TSHZ2: variants seen among roughly 807,000 people sequenced by gnomAD.
TSHZ2 encodes teashirt zinc finger homeobox 2.
In TSHZ2, 21 loss-of-function variants were observed where a neutral mutation model predicts 74.4. The ratio of observed to expected loss-of-function variants is 0.28; its 90% confidence interval spans 0.20 to 0.41. The LOEUF is 0.41. Ranked by LOEUF, TSHZ2 falls within the 10% of genes least tolerant of loss-of-function variation. The pLI, the probability that TSHZ2 is intolerant of heterozygous loss-of-function variation, is 1.00. For synonymous variants in TSHZ2, 540 were observed against 515.3 expected, an observed-to-expected ratio of 1.05 and a Z score of -0.65; for missense variants, 1,244 against 1,293.5, an observed-to-expected ratio of 0.96 and a Z score of 0.59.
intron 1 of TSHZ2, among the ~76,000 whole-genome samples, chr20:53,048,462 G>A (rs1052420113): frequency 3.9e-5 from 6 of 152,192 alleles, no homozygotes; most frequent in South Asian, 2.1e-4. Flanking sequence ...TCTCCCCTTC[G>A]CTTGTCTTTC....
rs992873915 is a variant in TSHZ2 at position 53,213,028 on chromosome 20, C to G, written c.41-40471C>G. On this transcript the variant is annotated intron_variant, in intron 1 of 2. Coordinates refer to ENST00000371497, the MANE Select transcript of TSHZ2 (RefSeq NM_173485.6). The stretch of plus-strand genomic sequence containing the variant: ...CAATTGAAACCAAGGTGTTGTCAAT[C>G]AAGGGAAACAGCAATGGACACAGGG... Among the ~76,000 whole-genome samples the G allele has an allele frequency of 1.1e-4, 17 of 152,202 alleles. 1 individual carries two copies. Among genetic ancestry groups the G allele is most frequent in the Admixed American group, 7.2e-4 (11 of 15,286 alleles).
At position 53,131,819 on chromosome 20, in the gene TSHZ2, ACCCCCCC is replaced by A. The variant is rs34289663; in HGVS notation, c.41-121671_41-121665del. Among the ~76,000 whole-genome samples the A allele has an allele frequency of 5.2e-3, 494 of 95,426 alleles. 19 individuals carry two copies. The highest frequency in any genetic ancestry group is 0.017 in the African/African-American group (456 of 27,186). The allele number at this position is 95,426 out of a possible 152,430, so 62.6% of individuals were successfully genotyped here. A position where few individuals can be genotyped will look rare whatever the true frequency, so the allele number is the denominator to read the frequency against. ...TTCACTCATTTGCACTTGAATGACA[ACCCCCCC>A]CCCCCCCCAAAAAAAAAAAGCCACA... is the stretch of plus-strand genomic sequence containing the variant. On this transcript the variant is annotated intron_variant, in intron 1 of 2. Coordinates refer to ENST00000371497, the MANE Select transcript of TSHZ2 (RefSeq NM_173485.6).
intron 2 of TSHZ2, among the ~76,000 whole-genome samples, chr20:53,320,744 C>G (rs1403838387): frequency 6.6e-6 from 1 of 152,046 alleles, no homozygotes; most frequent in East Asian, 1.9e-4. Context: ...TTGTCCTACT[C>G]AACTACCTGT....
chr20:53,084,666 CTTCT>C (rs1383802146), intron 1 of TSHZ2, among the ~76,000 whole-genome samples: 22 of 95,148 alleles, frequency 2.3e-4, no homozygotes, highest in Non-Finnish European at 3.0e-4. Flanking sequence ...TCCTTCTCTC[CTTCT>C]CTCCCTCCCT....
chr20:53,007,269 G>T (rs6068429), intron 1 of TSHZ2, among the ~76,000 whole-genome samples: 1 of 152,206 alleles, frequency 6.6e-6, no homozygotes, highest in East Asian at 1.9e-4. Flanking sequence ...GGAGACAGCA[G>T]GTGCATGGAC....
At chr20:53,433,948 A>AACCTCC (rs560687205) in intron 2 of TSHZ2, among the ~76,000 whole-genome samples, 22 of 152,294 alleles carry the variant, frequency 1.4e-4, no homozygotes, top group African/African-American at 5.3e-4. Context: ...GGCTCACGGC[A>AACCTCC]ACCTCCACCT....
At chr20:53,482,749 C>CA (rs1006036719) in intron 2 of TSHZ2, among the ~76,000 whole-genome samples, 26 of 151,710 alleles carry the variant, frequency 1.7e-4, no homozygotes, top group Non-Finnish European at 3.2e-4. Context: ...ACAAAAAATA[C>CA]AAAAAAATTA....
intron 1 of TSHZ2, among the ~76,000 whole-genome samples, chr20:53,011,716 A>C (rs1384185505): frequency 6.6e-6 from 1 of 152,204 alleles, no homozygotes; most frequent in Non-Finnish European, 1.5e-5. Flanking sequence ...TTGCTTTTAT[A>C]TAAGAGGAAA....
intron 2 of TSHZ2, among the ~76,000 whole-genome samples, chr20:53,361,726 C>A (rs972044321): frequency 1.1e-4 from 17 of 152,112 alleles, no homozygotes; most frequent in African/African-American, 3.6e-4. Context: ...GCCAGAGGTG[C>A]TAAATGTCCC....
At chr20:53,369,642 C>T (rs1223033129) in intron 2 of TSHZ2, among the ~76,000 whole-genome samples, 1 of 151,932 alleles carries the variant, frequency 6.6e-6, no homozygotes, top group Non-Finnish European at 1.5e-5. Context: ...ACCTGGGAGG[C>T]AGAGTTTGCA....
chr20:53,446,879 A>C (rs1364837982), intron 2 of TSHZ2, among the ~76,000 whole-genome samples: 1 of 152,128 alleles, frequency 6.6e-6, no homozygotes, highest in Non-Finnish European at 1.5e-5. Context: ...CTTCTAACCT[A>C]AACAGCTGCC....
Position 53,254,650 on chromosome 20 carries a change from C to G in TSHZ2, c.1192C>G (p.His398Asp). 6.2e-7 allele frequency: 1 copy of G among 1,614,156 alleles called. No homozygotes were observed. Among genetic ancestry groups the G allele is most frequent in the Non-Finnish European group, 8.5e-7 (1 of 1,180,016 alleles). Residue 398 changes from histidine to aspartate, a missense_variant, in exon 2 of 3, where the codon CAC (histidine) becomes GAC (aspartate). By Grantham distance (81) the His-to-Asp change is moderately conservative. Around this residue, in one of 6 missense-constraint regions of TSHZ2, gnomAD observed 18 missense variants for 42.1 expected, o/e 0.43. Transcript: ENST00000371497. ...TGACACCTTGCAGCAGCTCACCACCCACATGATGGTCACAGGTCACTTTCT... is the reference window on the plus strand; with the variant it reads ...TGACACCTTGCAGCAGCTCACCACCGACATGATGGTCACAGGTCACTTTCT... The part of the protein sequence containing the change: ...SHDTLQQLTT[H>D]MMVTGHFLKV...
chr20:53,252,517 T>C (rs1414321235), intron 1 of TSHZ2, among the ~76,000 whole-genome samples: 1 of 152,240 alleles, frequency 6.6e-6, no homozygotes, highest in Non-Finnish European at 1.5e-5. Context: ...ACATTCCCCA[T>C]CTCCATTGAT....
At chr20:53,078,931 A>T (rs1985447817) in intron 1 of TSHZ2, among the ~76,000 whole-genome samples, 2 of 152,344 alleles carry the variant, frequency 1.3e-5, no homozygotes, top group Middle Eastern at 3.4e-3. Context: ...CATAATACCC[A>T]ATTACATCAA....
intron 1 of TSHZ2, among the ~76,000 whole-genome samples, chr20:53,193,974 G>C (rs1307853839): frequency 6.6e-6 from 1 of 152,156 alleles, no homozygotes; most frequent in Non-Finnish European, 1.5e-5. Flanking sequence ...TCAGACTTTG[G>C]AACACAAGTT....
chr20:53,091,728 A>G (rs911474617), intron 1 of TSHZ2, among the ~76,000 whole-genome samples: 5 of 152,168 alleles, frequency 3.3e-5, no homozygotes, highest in Admixed American at 2.0e-4. Context: ...TACTTCAGAA[A>G]TTCAGAGAGT....
rs143808469 is a variant in TSHZ2 at position 53,238,574 on chromosome 20, T to A, written c.41-14925T>A. ...GGAAAGAAGAGAGAAAGTTGTCATA[T>A]GTTCATTTCACCTCCCTGCTCCTTA... On this transcript the variant is annotated intron_variant, in intron 1 of 2. Transcript: ENST00000371497. Among the ~76,000 whole-genome samples, 37 of 152,204 alleles carry A rather than the reference T, an allele frequency of 2.4e-4. No homozygotes were observed. The East Asian group carries it at 7.1e-3, about 29-fold the overall frequency.
At chr20:53,139,912 A>G (rs936279092) in intron 1 of TSHZ2, among the ~76,000 whole-genome samples, 6 of 152,194 alleles carry the variant, frequency 3.9e-5, no homozygotes, top group Non-Finnish European at 5.9e-5. Flanking sequence ...GGACTTCGCT[A>G]CAGAACTTCT....
chr20:53,021,931 T>A (rs535424686), intron 1 of TSHZ2, among the ~76,000 whole-genome samples: 6 of 152,336 alleles, frequency 3.9e-5, no homozygotes, highest in Non-Finnish European at 7.3e-5. Context: ...TGAGTATGTT[T>A]ATTAAGTATT....
Sources: allele counts gnomAD v4.1 joint callset (sites outside exome capture counted in the v4.1 genomes callset), GRCh38; gene constraint gnomAD v4.1.1; regional missense constraint gnomAD v4.1.1; transcripts MANE v1.5; gene names NCBI Gene and HGNC (gene_info 2026-07-23, HGNC 2026-07-21).